The following ORC2 variants were observed in gnomAD, a reference collection of about 807,000 sequenced individuals.
ORC2 encodes the protein origin recognition complex subunit 2, also known as origin recognition complex protein 2 homolog.
ORC2 carries 37 observed loss-of-function variants against 77.7 expected under a neutral mutation model. The observed-to-expected ratio is 0.48, with a 90% confidence interval of 0.37 to 0.63. The LOEUF is 0.63. Ranked by LOEUF, ORC2 falls within the 20% of genes least tolerant of loss-of-function variation. The pLI, the probability that ORC2 is intolerant of heterozygous loss-of-function variation, is 0.00. For missense variants in ORC2, 557 were observed against 661.9 expected (o/e 0.84, Z 1.74); for synonymous variants, 201 against 229.5 (o/e 0.88, Z 1.12).
At chr2:200,916,004 T>C (rs2040642860) in intron 15 of ORC2, among the ~76,000 whole-genome samples, 1 of 152,190 alleles carries the variant, frequency 6.6e-6, no homozygotes, top group Admixed American at 6.5e-5. Flanking sequence ...CCTCAATGAC[T>C]ACTTTTTAAC....
Position 200,935,902 on chromosome 2 carries a change from GA to G in ORC2, c.515-11del, listed in dbSNP as rs752172475. Reference sequence around the variant, plus strand: ...GAATGAGACCTTGGAACTGTGGGGGGAAAAATAGCAATTTGGACAATTTCAT... The same window carrying G: ...GAATGAGACCTTGGAACTGTGGGGGGAAAATAGCAATTTGGACAATTTCAT... On this transcript the variant is annotated splice_polypyrimidine_tract_variant and intron_variant, in intron 8 of 17. Coordinates refer to ENST00000234296, the MANE Select transcript of ORC2 (RefSeq NM_006190.5). 1.9e-4 allele frequency: 304 copies of G among 1,607,050 alleles called. 1 individual carries two copies. Among genetic ancestry groups the G allele is most frequent in the Non-Finnish European group, 2.9e-5 (34 of 1,177,160 alleles).
Position 200,931,464 on chromosome 2 carries a change from G to A in ORC2, c.808-16C>T, listed in dbSNP as rs1483830279. On this transcript the variant is annotated splice_polypyrimidine_tract_variant and intron_variant, in intron 10 of 17. Coordinates refer to ENST00000234296, the MANE Select transcript of ORC2 (RefSeq NM_006190.5). ...GCAAAGTTTGCTTTAAAAAAAAGGA[G>A]GAGGGGAAAAAAGTCATTCTCAAAG... The A allele has an allele frequency of 1.1e-5, 16 of 1,409,578 alleles. No individual in the cohort carries two copies. The highest frequency in any genetic ancestry group is 1.5e-5 in the African/African-American group (1 of 67,902). The allele number at this position is 1,409,578 out of a possible 1,614,324, so 87.3% of individuals were successfully genotyped here.
rs570699528 is a variant in ORC2 at position 200,939,754 on chromosome 2, G to A, written c.453+1494C>T. Among the ~76,000 whole-genome samples the A allele has an allele frequency of 4.7e-4, 71 of 152,278 alleles. No individual in the cohort carries two copies. In the Middle Eastern group the frequency reaches 0.017, roughly 36 times the overall value. The stretch of plus-strand genomic sequence containing the variant: ...ACGATGTTGTCTCTTATTGTGATAG[G>A]TAGCTTTGTTTCATCAACAGGTTTT... On this transcript the variant is annotated intron_variant, in intron 7 of 17. Coordinates refer to ENST00000234296, the MANE Select transcript of ORC2 (RefSeq NM_006190.5).
chr2:200,932,231 C>T (rs1370131677), intron 10 of ORC2, among the ~76,000 whole-genome samples: 1 of 151,740 alleles, frequency 6.6e-6, no homozygotes, highest in Non-Finnish European at 1.5e-5. Flanking sequence ...AGAGAAAGCA[C>T]TAATATCTTT....
Position 200,961,043 on chromosome 2 carries a change from G to A in ORC2, c.-59-1603C>T, listed in dbSNP as rs541086645. Among the ~76,000 whole-genome samples the A allele has an allele frequency of 3.3e-5, 5 of 152,234 alleles. No individual in the cohort carries two copies. The East Asian group carries it at 5.8e-4, about 18-fold the overall frequency. ...GCCCACCTCAGCCTCCCAAAGTGTT[G>A]GGATTACAGGTGTAAGCCACTGCAC... On this transcript the variant is annotated intron_variant, in intron 1 of 17. Transcript: ENST00000234296.
At chr2:200,961,585 A>G (rs1355536052) in intron 1 of ORC2, among the ~76,000 whole-genome samples, 2 of 152,194 alleles carry the variant, frequency 1.3e-5, no homozygotes, top group Non-Finnish European at 2.9e-5. Context: ...CTAACTTTCC[A>G]GTTCATTGGG....
intron 5 of ORC2, among the ~76,000 whole-genome samples, chr2:200,948,850 C>A (rs149470976): frequency 6.6e-6 from 1 of 152,074 alleles, no homozygotes; most frequent in African/African-American, 2.4e-5. Flanking sequence ...GGATTACAGC[C>A]GTGAGCAACC....
At chr2:200,930,672 T>C (rs2040924398) in intron 11 of ORC2, among the ~76,000 whole-genome samples, 1 of 152,176 alleles carries the variant, frequency 6.6e-6, no homozygotes, top group Non-Finnish European at 1.5e-5. Flanking sequence ...AGTGTGCATG[T>C]ATATTCACAT....
At chr2:200,956,259 T>C (rs771425758) in intron 4 of ORC2, among the ~76,000 whole-genome samples, 3 of 151,712 alleles carry the variant, frequency 2.0e-5, no homozygotes, top group Non-Finnish European at 4.4e-5. Flanking sequence ...AGACAGGGTC[T>C]CACTCTGTTG....
chr2:200,923,513 G>A (rs2040792721), intron 13 of ORC2, among the ~76,000 whole-genome samples: 1 of 152,166 alleles, frequency 6.6e-6, no homozygotes, highest in African/African-American at 2.4e-5. Flanking sequence ...GCCTCCCAAA[G>A]TGAAGGGATT....
intron 1 of ORC2, among the ~76,000 whole-genome samples, chr2:200,961,951 T>C (rs908900389): frequency 6.6e-6 from 1 of 152,178 alleles, no homozygotes; most frequent in Non-Finnish European, 1.5e-5. Context: ...AAAACAAATA[T>C]TCTAGGCAAC....
intron 8 of ORC2, among the ~76,000 whole-genome samples, chr2:200,936,132 CTAA>C (rs776245052): frequency 1.7e-4 from 26 of 152,298 alleles, no homozygotes; most frequent in Non-Finnish European, 2.9e-4. Context: ...TATAAAGCCA[CTAA>C]TAATTCCTGA....
At chr2:200,949,527 G>A (rs757512987) in intron 5 of ORC2, 27 bp downstream of exon 5, 31 of 1,203,330 alleles carry the variant, frequency 2.6e-5, no homozygotes, top group Non-Finnish European at 1.1e-5. Flanking sequence ...ATGAGTAATA[G>A]TTATAGAAAT....
At chr2:200,920,949 A>C in intron 14 of ORC2, 44 bp downstream of exon 14, 5 of 1,378,960 alleles carry the variant, frequency 3.6e-6, no homozygotes, top group Non-Finnish European at 4.8e-6. Context: ...TTTGTCTTGT[A>C]AGACTGATAT....
intron 6 of ORC2, among the ~76,000 whole-genome samples, chr2:200,941,481 A>AAAAAATT (rs1281855397): frequency 6.7e-6 from 1 of 150,178 alleles, no homozygotes; most frequent in Admixed American, 6.6e-5. Context: ...GTGTCTATTC[A>AAAAAATT]AAAAATTAAA....
At chr2:200,911,630 T>C (rs2040553011) in intron 17 of ORC2, among the ~76,000 whole-genome samples, 2 of 152,220 alleles carry the variant, frequency 1.3e-5, no homozygotes, top group Admixed American at 1.3e-4. Flanking sequence ...TTTTTTTCAT[T>C]GTGCTTTAGA....
intron 13 of ORC2, among the ~76,000 whole-genome samples, chr2:200,925,483 T>A (rs574444688): frequency 6.6e-6 from 1 of 152,308 alleles, no homozygotes; most frequent in African/African-American, 2.4e-5. Flanking sequence ...CTCACACCTA[T>A]AATCTCAGCC....
chr2:200,936,095 C>G (rs530965425), intron 8 of ORC2, among the ~76,000 whole-genome samples: 1 of 152,166 alleles, frequency 6.6e-6, no homozygotes, highest in Non-Finnish European at 1.5e-5. Flanking sequence ...GTTTAATAAA[C>G]CATTAGGAAG....
chr2:200,918,040 A>G (rs17467748), intron 15 of ORC2, among the ~76,000 whole-genome samples: 1,714 of 152,186 alleles, frequency 0.011, 16 homozygotes, highest in Non-Finnish European at 0.017. Flanking sequence ...TGCACATTTT[A>G]AACTTTTATT....
Sources: gnomAD v4.1 joint callset for allele counts (sites outside exome capture counted in the v4.1 genomes callset) on GRCh38, gnomAD v4.1.1 for gene constraint, MANE v1.5 for transcripts, NCBI Gene and HGNC (gene_info 2026-07-23, HGNC 2026-07-21) for gene names.